PEX5L: variants seen among roughly 807,000 people sequenced by gnomAD.
PEX5L encodes peroxisomal biogenesis factor 5 like.
PEX5L carries 30 observed loss-of-function variants against 84.0 expected under a neutral mutation model. The ratio of observed to expected loss-of-function variants is 0.36; its 90% CI spans 0.27 to 0.48. The LOEUF (loss-of-function observed/expected upper bound fraction) is 0.48, where lower values mean the gene tolerates loss of function less well. Ranked by LOEUF, PEX5L falls within the 20% of genes least tolerant of loss-of-function variation. The pLI, the probability that PEX5L is intolerant of heterozygous loss-of-function variation, is 0.99. For missense variants in PEX5L, 533 were observed against 754.6 expected (o/e 0.71, Z 3.44); for synonymous variants, 270 against 283.1 (o/e 0.95, Z 0.46).
At chr3:179,937,258 T>G (rs1774856067) in intron 2 of PEX5L, among the ~76,000 whole-genome samples, 1 of 152,078 alleles carries the variant, frequency 6.6e-6, no homozygotes, top group Admixed American at 6.5e-5. Flanking sequence ...GGAGTCTACT[T>G]AATAGTAAGT....
intron 2 of PEX5L, among the ~76,000 whole-genome samples, chr3:179,929,896 A>G (rs955300302): frequency 1.3e-5 from 2 of 152,228 alleles, no homozygotes; most frequent in Admixed American, 1.3e-4. Context: ...AGACCGGGAC[A>G]TAGCTGGGGC....
In PEX5L at chr3:179,887,899, T is replaced by C. The variant is rs2108855560; in HGVS notation, c.199-115A>G. 3 of 739,610 alleles carry C rather than the reference T, an allele frequency of 4.1e-6. No homozygotes were observed. In the South Asian group the frequency reaches 5.2e-5, roughly 13 times the overall value. 45.8% of individuals were successfully genotyped at this position (739,610 alleles called of 1,614,324 possible). On this transcript the variant is annotated intron_variant, in intron 3 of 14. Coordinates refer to ENST00000467460, the MANE Select transcript of PEX5L (RefSeq NM_016559.3). ...AGCAAGCCTACCAAAAATAAATAAA[T>C]ACATAAATAAATAATGGGGTGGGGG... is the stretch of plus-strand genomic sequence containing the variant.
At chr3:179,843,065 T>C (rs1737900547) in intron 8 of PEX5L, among the ~76,000 whole-genome samples, 1 of 152,096 alleles carries the variant, frequency 6.6e-6, no homozygotes, top group African/African-American at 2.4e-5. Context: ...TATATTCTGA[T>C]TGAAACGACT....
chr3:179,934,142 G>A (rs1773928999), intron 2 of PEX5L, among the ~76,000 whole-genome samples: 1 of 152,230 alleles, frequency 6.6e-6, no homozygotes, highest in South Asian at 2.1e-4. Flanking sequence ...TCCAGATCAA[G>A]CAGGTTGGCA....
At chr3:179,902,224 G>A (rs182152273) in intron 2 of PEX5L, 1 of 154,836 alleles carries the variant, frequency 6.5e-6, no homozygotes. Flanking sequence ...GCCATTCTGT[G>A]GCCGAGCCAG....
At chr3:179,910,669 G>A (rs369132568) in intron 2 of PEX5L, among the ~76,000 whole-genome samples, 5 of 152,288 alleles carry the variant, frequency 3.3e-5, no homozygotes, top group East Asian at 1.9e-4. Context: ...AGCCTGACTC[G>A]TTTCAACTTA....
At chr3:179,928,498 C>T (rs1346541208) in intron 2 of PEX5L, among the ~76,000 whole-genome samples, 2 of 152,226 alleles carry the variant, frequency 1.3e-5, no homozygotes, top group East Asian at 3.9e-4. Context: ...AACAATGTGT[C>T]GAGGGGCCTT....
chr3:179,838,425 T>C (rs925944760), intron 8 of PEX5L, among the ~76,000 whole-genome samples: 3 of 152,232 alleles, frequency 2.0e-5, no homozygotes, highest in Non-Finnish European at 4.4e-5. Context: ...TGACCTTTAC[T>C]ATAGCTTCTC....
chr3:180,036,722 C>T lies in PEX5L; in HGVS notation c.-123G>A. The T allele has an allele frequency of 1.9e-6, 2 of 1,041,270 alleles. No homozygotes were observed. Among genetic ancestry groups the T allele is most frequent in the Non-Finnish European group, 3.0e-6 (2 of 666,074 alleles). 64.5% of individuals were successfully genotyped at this position (1,041,270 alleles called of 1,614,324 possible). A position where few individuals can be genotyped will look rare whatever the true frequency, so the allele number is the denominator to read the frequency against. On this transcript the variant is annotated 5_prime_UTR_variant, in exon 1 of 15. Coordinates refer to ENST00000467460, the MANE Select transcript of PEX5L (RefSeq NM_016559.3). ...GGTTCTCAGAGGGTGCTCCTGAGCC[C>T]CCTGGAGCTCCGGGTACTCGGCCGG...
Position 179,883,536 on chromosome 3 carries a change from C to A in PEX5L, c.311-3413G>T, listed in dbSNP as rs1258785075. On this transcript the variant is annotated intron_variant, in intron 4 of 14. Transcript: ENST00000467460. ...CAGTGGCTCATGCCTGTAATCCCAGCACTTTGGGAGGCTGAGGCAGGCGGA... is the reference window on the plus strand; with the variant it reads ...CAGTGGCTCATGCCTGTAATCCCAGAACTTTGGGAGGCTGAGGCAGGCGGA... Among the ~76,000 whole-genome samples, 2 of 152,240 alleles carry A rather than the reference C, an allele frequency of 1.3e-5. 1 individual carries two copies. Among genetic ancestry groups the A allele is most frequent in the African/African-American group, 4.8e-5 (2 of 41,470 alleles).
At chr3:179,866,077 GA>G (rs1748015780) in intron 7 of PEX5L, among the ~76,000 whole-genome samples, 1 of 152,146 alleles carries the variant, frequency 6.6e-6, no homozygotes, top group Non-Finnish European at 1.5e-5. Flanking sequence ...CTCCAAAGAA[GA>G]AAGCATTAAG....
intron 2 of PEX5L, among the ~76,000 whole-genome samples, chr3:179,967,785 C>T (rs1336678202): frequency 1.3e-5 from 2 of 152,120 alleles, no homozygotes; most frequent in Non-Finnish European, 2.9e-5. Flanking sequence ...CCCGGTGATT[C>T]ATAAAGTGTG....
chr3:179,994,934 A>G (rs1467639563), intron 1 of PEX5L, among the ~76,000 whole-genome samples: 3 of 151,866 alleles, frequency 2.0e-5, no homozygotes, highest in Admixed American at 2.0e-4. Flanking sequence ...CTTGCTCCTC[A>G]GCTTCCAGAT....
At chr3:179,853,903 C>T (rs1156807358) in intron 8 of PEX5L, among the ~76,000 whole-genome samples, 2 of 151,164 alleles carry the variant, frequency 1.3e-5, no homozygotes, top group Non-Finnish European at 3.0e-5. Flanking sequence ...CCTCTACATC[C>T]TGGGCTCAAG....
intron 1 of PEX5L, among the ~76,000 whole-genome samples, chr3:180,022,578 A>G (rs1475425982): frequency 5.3e-5 from 8 of 152,248 alleles, no homozygotes; most frequent in Non-Finnish European, 1.0e-4. Flanking sequence ...AATGTTTTAC[A>G]ATAGCAAAGT....
chr3:179,943,986 A>G (rs1776842502), intron 2 of PEX5L, among the ~76,000 whole-genome samples: 1 of 151,898 alleles, frequency 6.6e-6, no homozygotes, highest in Non-Finnish European at 1.5e-5. Flanking sequence ...CAAACTTGCC[A>G]GAAGAATATG....
chr3:179,987,506 A>C (rs1786965318), intron 1 of PEX5L, among the ~76,000 whole-genome samples: 1 of 152,250 alleles, frequency 6.6e-6, no homozygotes, highest in South Asian at 2.1e-4. Flanking sequence ...TTCTGTATTA[A>C]GAAAATCCAG....
intron 2 of PEX5L, chr3:179,921,526 T>C (rs1315251454): frequency 1.3e-5 from 2 of 152,336 alleles, no homozygotes; most frequent in East Asian, 1.9e-4. Context: ...TCTAACCTCT[T>C]GATCTTTATG....
intron 1 of PEX5L, among the ~76,000 whole-genome samples, chr3:180,035,775 C>T (rs9866196): frequency 0.016 from 2,401 of 152,174 alleles, 78 homozygotes; most frequent in African/African-American, 0.055. Flanking sequence ...CATTTAGGTG[C>T]GATAAAGAGT....
Sources: gnomAD v4.1 joint callset for allele counts (sites outside exome capture counted in the v4.1 genomes callset) on GRCh38, gnomAD v4.1.1 for gene constraint, MANE v1.5 for transcripts, NCBI Gene and HGNC (gene_info 2026-07-23, HGNC 2026-07-21) for gene names.